Variants in GRIK3 observed in about 807,000 individuals in gnomAD.
GRIK3 encodes glutamate receptor ionotropic, kainate 3.
A neutral mutation model predicts 102.5 loss-of-function variants in GRIK3; 29 were observed. That is an observed-to-expected ratio of 0.28 (90% CI 0.21 to 0.39). The LOEUF (loss-of-function observed/expected upper bound fraction) is 0.39. Among genes scored for constraint, GRIK3 ranks in the 10% least tolerant of loss-of-function variants. The pLI is 1.00. For missense variants in GRIK3, 908 were observed against 1,252.4 expected (o/e 0.73, Z 4.15); for synonymous variants, 511 against 504.9 (o/e 1.01, Z -0.16).
In GRIK3 at chr1:36,830,504, C is replaced by T. The variant is rs566203285; in HGVS notation, c.1531-4678G>A. Among the ~76,000 whole-genome samples, 573 of 152,164 alleles carry T rather than the reference C, an allele frequency of 3.8e-3. 3 individuals are homozygous for T. Among genetic ancestry groups the T allele is most frequent in the Non-Finnish European group, 5.0e-3 (340 of 68,020 alleles). On this transcript the variant is annotated intron_variant, in intron 10 of 15. Coordinates refer to ENST00000373091, the MANE Select transcript of GRIK3 (RefSeq NM_000831.4). ...GGGCCCCAAATCCAACGACTGGTGTCCGTATAAGAAGAGGAAAAGAGGAGA... is the reference window on the plus strand; with the variant it reads ...GGGCCCCAAATCCAACGACTGGTGTTCGTATAAGAAGAGGAAAAGAGGAGA...
intron 1 of GRIK3, among the ~76,000 whole-genome samples, chr1:36,900,448 G>A (rs1641222498): frequency 6.6e-6 from 1 of 152,036 alleles, no homozygotes; most frequent in South Asian, 2.1e-4. Context: ...CTTAAACAAT[G>A]TACTTCCAAA....
intron 1 of GRIK3, among the ~76,000 whole-genome samples, chr1:36,987,810 T>C (rs1642321967): frequency 6.6e-6 from 1 of 151,868 alleles, no homozygotes; most frequent in Non-Finnish European, 1.5e-5. Context: ...ATGAGGCAAG[T>C]CTTAAGTTCC....
At chr1:36,874,391 C>T (rs1640889374) in intron 3 of GRIK3, among the ~76,000 whole-genome samples, 1 of 152,198 alleles carries the variant, frequency 6.6e-6, no homozygotes, top group Non-Finnish European at 1.5e-5. Flanking sequence ...CAGGAACCCC[C>T]AGCCCACTGA....
intron 1 of GRIK3, among the ~76,000 whole-genome samples, chr1:37,021,805 C>G (rs1451745475): frequency 6.6e-6 from 1 of 152,168 alleles, no homozygotes; most frequent in Non-Finnish European, 1.5e-5. Flanking sequence ...GCCCCATCCT[C>G]ACTCTCAGTC....
intron 1 of GRIK3, among the ~76,000 whole-genome samples, chr1:36,902,117 G>A (rs1417282655): frequency 6.6e-6 from 1 of 152,184 alleles, no homozygotes; most frequent in South Asian, 2.1e-4. Flanking sequence ...AATGTTCATG[G>A]ATAAGAAAAG....
Position 36,858,434 on chromosome 1 carries a change from G to A in GRIK3, c.1104+674C>T, listed in dbSNP as rs141233885. On this transcript the variant is annotated intron_variant, in intron 7 of 15. Transcript: ENST00000373091. ...GCCATCCAAAGCTTACAAGGACAGTGGCAGATGGAGAAGCCTTTGAAATAA... is the reference window on the plus strand; with the variant it reads ...GCCATCCAAAGCTTACAAGGACAGTAGCAGATGGAGAAGCCTTTGAAATAA... Among the ~76,000 whole-genome samples, 9 of 152,328 alleles carry A rather than the reference G, an allele frequency of 5.9e-5. No homozygotes were observed. In the East Asian group the frequency reaches 1.7e-3, roughly 29 times the overall value.
chr1:36,913,947 C>T (rs1338340692), intron 1 of GRIK3, among the ~76,000 whole-genome samples: 5 of 152,228 alleles, frequency 3.3e-5, no homozygotes, highest in Non-Finnish European at 5.9e-5. Flanking sequence ...ATATTCTGAC[C>T]TCCTCTGGGG....
At chr1:36,881,391 A>G (rs1640975483) in intron 2 of GRIK3, among the ~76,000 whole-genome samples, 1 of 152,120 alleles carries the variant, frequency 6.6e-6, no homozygotes, top group Non-Finnish European at 1.5e-5. Context: ...CAGATCTGAC[A>G]TGTCCAGCAC....
intron 13 of GRIK3, among the ~76,000 whole-genome samples, chr1:36,814,636 T>C (rs1316806423): frequency 6.6e-6 from 1 of 151,042 alleles, no homozygotes; most frequent in Non-Finnish European, 1.5e-5. Context: ...GCACAGGCCA[T>C]TATACACACA....
chr1:36,864,117 T>A (rs1339184753), intron 5 of GRIK3, among the ~76,000 whole-genome samples: 1 of 152,170 alleles, frequency 6.6e-6, no homozygotes, highest in Non-Finnish European at 1.5e-5. Context: ...ATAGTTCTTT[T>A]TTCACCTCTA....
intron 2 of GRIK3, among the ~76,000 whole-genome samples, chr1:36,886,625 G>A (rs1641040320): frequency 6.6e-6 from 1 of 152,190 alleles, no homozygotes; most frequent in Non-Finnish European, 1.5e-5. Flanking sequence ...GACATTGAGG[G>A]TTGCAGAAAG....
intron 1 of GRIK3, among the ~76,000 whole-genome samples, chr1:36,892,861 C>G (rs1641132688): frequency 6.6e-6 from 1 of 152,114 alleles, no homozygotes; most frequent in Admixed American, 6.5e-5. Flanking sequence ...AGGATAAAAG[C>G]TCCCATAAAG....
intron 1 of GRIK3, among the ~76,000 whole-genome samples, chr1:36,969,547 G>C (rs1384212502): frequency 6.6e-6 from 1 of 152,242 alleles, no homozygotes; most frequent in African/African-American, 2.4e-5. Context: ...TGGAGGTGCA[G>C]AATGAAAATC....
intron 3 of GRIK3, among the ~76,000 whole-genome samples, chr1:36,873,970 C>G (rs1216892947): frequency 1.3e-5 from 2 of 152,172 alleles, no homozygotes; most frequent in African/African-American, 4.8e-5. Flanking sequence ...CAAAGAAGTC[C>G]TAATGATCTT....
chr1:36,860,113 G>A, intron 5 of GRIK3, 96 bp from the exon 6 acceptor site: 2 of 931,862 alleles, frequency 2.1e-6, no homozygotes, highest in Non-Finnish European at 1.6e-6. Context: ...CCGCCCCAGG[G>A]CCTGAGGTCG....
chr1:36,976,642 T>C (rs943947914), intron 1 of GRIK3, among the ~76,000 whole-genome samples: 2 of 152,160 alleles, frequency 1.3e-5, no homozygotes, highest in Admixed American at 6.5e-5. Context: ...TCTCAAGGTA[T>C]GCTATTGGTT....
intron 10 of GRIK3, among the ~76,000 whole-genome samples, chr1:36,830,363 CCCA>C (rs1157751084): frequency 1.3e-5 from 2 of 149,128 alleles, no homozygotes; most frequent in African/African-American, 2.4e-5. Flanking sequence ...ATTATGCCCC[CCCA>C]CCCCCAATTA....
chr1:36,994,404 G>A (rs2124012842), intron 1 of GRIK3, among the ~76,000 whole-genome samples: 1 of 152,310 alleles, frequency 6.6e-6, no homozygotes, highest in Non-Finnish European at 1.5e-5. Context: ...AAATGTCCAA[G>A]TTTCAAGTTA....
In GRIK3 at chr1:36,850,448, AG is replaced by A. The variant is rs981703925; in HGVS notation, c.1213-25del. On this transcript the variant is annotated intron_variant, in intron 8 of 15. Transcript: ENST00000373091. This position sits in a 1 kb window ranked among gnomAD's most constrained non-coding sequence, Gnocchi z 4.0. ...ACCTGGATGGACACAGACAGAAAAC[AG>A]GGTGCCGAGTCCTTGGTCTACCCAT... 1 of 1,412,334 alleles carries A rather than the reference AG, an allele frequency of 7.1e-7. No individual in the cohort carries two copies. The highest frequency in any genetic ancestry group is 1.0e-6 in the Non-Finnish European group (1 of 995,634). 87.5% of individuals were successfully genotyped at this position (1,412,334 alleles called of 1,614,324 possible).
Sources: allele counts gnomAD v4.1 joint callset (sites outside exome capture counted in the v4.1 genomes callset), GRCh38; gene constraint gnomAD v4.1.1; non-coding constraint Gnocchi (gnomAD v3.1); transcripts MANE v1.5; gene names NCBI Gene and HGNC (gene_info 2026-07-23, HGNC 2026-07-21).